Variants in TRPC4 observed in about 807,000 individuals in gnomAD.
TRPC4 encodes short transient receptor potential channel 4.
Under a neutral mutation model 99.4 loss-of-function variants are expected in TRPC4, and 49 were observed. The observed-to-expected ratio is 0.49, with a 90% CI of 0.39 to 0.63. TRPC4 has a LOEUF of 0.63. TRPC4 is among the 20% of genes least tolerant of loss of function. The probability of loss-of-function intolerance (pLI) is 0.00; values close to 1 mark genes in which losing one functional copy is unlikely to be tolerated. For synonymous variants in TRPC4, 454 were observed against 425.9 expected (o/e 1.07, Z -0.81); for missense variants, 898 against 1,152.9 (o/e 0.78, Z 3.20).
chr13:37,719,611 T>A (rs1405014511), intron 3 of TRPC4, among the ~76,000 whole-genome samples: 1 of 152,150 alleles, frequency 6.6e-6, no homozygotes. Context: ...CACTGTCTTG[T>A]GATGTTTATA....
chr13:37,812,090 C>T (rs1593797807), intron 1 of TRPC4, among the ~76,000 whole-genome samples: 1 of 143,110 alleles, frequency 7.0e-6, no homozygotes, highest in South Asian at 2.3e-4. Context: ...GAGGCAGGAG[C>T]ATTGCTTGAA....
intron 5 of TRPC4, among the ~76,000 whole-genome samples, chr13:37,673,276 C>G (rs1176035109): frequency 6.6e-6 from 1 of 151,950 alleles, no homozygotes; most frequent in Non-Finnish European, 1.5e-5. Flanking sequence ...GACATGAACT[C>G]ATCCTTTTCT....
At chr13:37,706,597 C>T (rs7324324) in intron 3 of TRPC4, among the ~76,000 whole-genome samples, 133,984 of 150,800 alleles carry the variant, frequency 0.89, 59,723 homozygotes, top group Middle Eastern at 0.95. Context: ...CATTTAGCAT[C>T]AGGTATATCT....
intron 1 of TRPC4, among the ~76,000 whole-genome samples, chr13:37,832,717 G>T (rs12585577): frequency 0.29 from 43,561 of 151,940 alleles, 6,436 homozygotes; most frequent in East Asian, 0.43. Flanking sequence ...CCAAGGAAAA[G>T]ATAGAGATGT....
At chr13:37,820,004 A>G (rs1252048218) in intron 1 of TRPC4, among the ~76,000 whole-genome samples, 1 of 151,994 alleles carries the variant, frequency 6.6e-6, no homozygotes, top group East Asian at 1.9e-4. Context: ...CAACAAATCC[A>G]GGAGTTTGTT....
At chr13:37,797,687 A>G (rs951444795) in intron 1 of TRPC4, among the ~76,000 whole-genome samples, 1 of 152,196 alleles carries the variant, frequency 6.6e-6, no homozygotes, top group South Asian at 2.1e-4. Flanking sequence ...AAAAATTAGA[A>G]TGCTTAGAAT....
chr13:37,867,553 G>A lies in TRPC4; in HGVS notation c.-28+2042C>T, dbSNP rs1959844278. On this transcript the variant is annotated intron_variant, in intron 1 of 10. Coordinates refer to ENST00000379705, the MANE Select transcript of TRPC4 (RefSeq NM_016179.4). Reference sequence around the variant, plus strand: ...GTCTTTATCACAGGGTATGCTGATAGCATTTGACTAGATGATCAGATGTTT... The same window carrying A: ...GTCTTTATCACAGGGTATGCTGATAACATTTGACTAGATGATCAGATGTTT... Among the ~76,000 whole-genome samples, 4 of 152,108 alleles carry A rather than the reference G, an allele frequency of 2.6e-5. No homozygotes were observed. The South Asian group carries it at 8.3e-4, about 32-fold the overall frequency.
chr13:37,650,313 C>T (rs921643050), intron 8 of TRPC4, among the ~76,000 whole-genome samples: 2 of 152,044 alleles, frequency 1.3e-5, no homozygotes, highest in Non-Finnish European at 2.9e-5. Context: ...CTGAGAAGAT[C>T]CAAGTGACTA....
rs911475485 is a variant in TRPC4, at chr13:37,714,142, C to G, written c.898-21807G>C. On this transcript the variant is annotated intron_variant, in intron 3 of 10. Coordinates refer to ENST00000379705, the MANE Select transcript of TRPC4 (RefSeq NM_016179.4). ...TCTCTCTCTTTCCTTTCTTTTCTCT[C>G]TCTTTTTTTTGTCTTACTCTGTCGC... Among the ~76,000 whole-genome samples the G allele has an allele frequency of 4.0e-5, 6 of 149,758 alleles. No individual in the cohort carries two copies. The East Asian group carries it at 1.2e-3, about 29-fold the overall frequency.
chr13:37,780,486 A>C (rs1956810290), intron 2 of TRPC4, among the ~76,000 whole-genome samples: 1 of 152,110 alleles, frequency 6.6e-6, no homozygotes, highest in South Asian at 2.1e-4. Context: ...AATTAGGTGA[A>C]TTAAAATAAA....
intron 1 of TRPC4, among the ~76,000 whole-genome samples, chr13:37,838,173 A>G (rs1173309411): frequency 6.6e-6 from 1 of 152,218 alleles, no homozygotes; most frequent in African/African-American, 2.4e-5. Context: ...GGACTAACAC[A>G]TATTCCAAAC....
At chr13:37,758,995 C>T (rs1956160761) in intron 2 of TRPC4, among the ~76,000 whole-genome samples, 1 of 151,376 alleles carries the variant, frequency 6.6e-6, no homozygotes, top group Non-Finnish European at 1.5e-5. Context: ...AACTTAATAA[C>T]ATTGTTATAT....
Position 37,637,347 on chromosome 13 carries a change from C to T in TRPC4, c.2490G>A (p.Arg830=), listed in dbSNP as rs762037645. 3.7e-5 allele frequency: 60 copies of T among 1,613,530 alleles called. No individual in the cohort carries two copies. In the Middle Eastern group the frequency reaches 4.9e-4, roughly 13 times the overall value. The stretch of plus-strand genomic sequence containing the variant: ...CAAAATTCACTTTTCTCTGCTTCTC[C>T]CTGGGCGGCTCCTGAACCACCAGGG... The part of the protein sequence containing the change: ...GSALVVQEPP[R]EKQRKVNFVT... The change falls in exon 11 of 11, where the codon AGG becomes AGA. Residue 830 remains arginine, a synonymous_variant. Transcript: ENST00000379705.
chr13:37,643,440 G>A (rs762850129), intron 8 of TRPC4, among the ~76,000 whole-genome samples: 2 of 152,164 alleles, frequency 1.3e-5, no homozygotes, highest in Non-Finnish European at 2.9e-5. Context: ...CAGGGGAGAA[G>A]GAGGTAATAC....
chr13:37,808,007 G>A (rs1445255265), intron 1 of TRPC4, among the ~76,000 whole-genome samples: 1 of 151,986 alleles, frequency 6.6e-6, no homozygotes, highest in Non-Finnish European at 1.5e-5. Context: ...GTACTAAAAG[G>A]CCTTGTTCCT....
intron 2 of TRPC4, among the ~76,000 whole-genome samples, chr13:37,777,682 A>G (rs539066217): frequency 1.3e-5 from 2 of 152,156 alleles, no homozygotes; most frequent in East Asian, 3.9e-4. Context: ...TTGTTTGTCA[A>G]TAGGAAGACA....
chr13:37,719,380 C>T (rs779906461), intron 3 of TRPC4, among the ~76,000 whole-genome samples: 1 of 151,714 alleles, frequency 6.6e-6, no homozygotes, highest in Non-Finnish European at 1.5e-5. Flanking sequence ...AAAACAAAGA[C>T]ATTATGAGAT....
intron 1 of TRPC4, among the ~76,000 whole-genome samples, chr13:37,836,775 C>T (rs1442361719): frequency 6.6e-6 from 1 of 152,172 alleles, no homozygotes; most frequent in African/African-American, 2.4e-5. Context: ...AAGCTGGCTA[C>T]AGAAATTTGC....
chr13:37,779,237 G>A lies in TRPC4; in HGVS notation c.378+3719C>T, dbSNP rs576643272. On this transcript the variant is annotated intron_variant, in intron 2 of 10. Transcript: ENST00000379705. ...AAGTCAAGTTACCAATCAATGGACT[G>A]AAATGAGGGTTAAGAAGTCATTCTC... 3.3e-5 allele frequency among the ~76,000 whole-genome samples: 5 copies of A among 152,180 alleles called. No individual in the cohort carries two copies. The East Asian group carries it at 9.7e-4, about 30-fold the overall frequency.
Sources: allele counts gnomAD v4.1 joint callset (sites outside exome capture counted in the v4.1 genomes callset), GRCh38; gene constraint gnomAD v4.1.1; transcripts MANE v1.5; gene names NCBI Gene and HGNC (gene_info 2026-07-23, HGNC 2026-07-21).